Variants in KCNJ6 observed in about 807,000 individuals in gnomAD.
The protein encoded by KCNJ6 is G protein-activated inward rectifier potassium channel 2.
A neutral mutation model predicts 34.2 loss-of-function variants in KCNJ6; 9 were observed. The ratio of observed to expected loss-of-function variants is 0.26; its 90% CI spans 0.16 to 0.46. KCNJ6 has a LOEUF of 0.46. KCNJ6 is among the 20% of genes least tolerant of loss of function. KCNJ6 has a pLI of 1.00. For synonymous variants in KCNJ6, 196 were observed against 207.1 expected (o/e 0.95, Z 0.46); for missense variants, 236 against 531.3 (o/e 0.44, Z 5.46).
intron 1 of KCNJ6, among the ~76,000 whole-genome samples, chr21:37,845,869 T>G (rs1365253615): frequency 6.6e-6 from 1 of 152,162 alleles, no homozygotes; most frequent in East Asian, 1.9e-4. Context: ...CTGCAGAACC[T>G]AGGCACACTG....
rs375993657 is a variant in KCNJ6, at chr21:37,643,020, C to T, written c.947-17536G>A. On this transcript the variant is annotated intron_variant, in intron 3 of 3. Coordinates refer to ENST00000609713, the MANE Select transcript of KCNJ6 (RefSeq NM_002240.5). ...ATTCTAGTAAAAACAGACAGACCTCCAAGTTTTGAGTATGATAACTGAACA... is the reference window on the plus strand; with the variant it reads ...ATTCTAGTAAAAACAGACAGACCTCTAAGTTTTGAGTATGATAACTGAACA... 9.9e-5 allele frequency among the ~76,000 whole-genome samples: 15 copies of T among 152,214 alleles called. No homozygotes were observed. The East Asian group carries it at 2.3e-3, about 24-fold the overall frequency.
intron 3 of KCNJ6, among the ~76,000 whole-genome samples, chr21:37,705,177 G>C (rs1363214733): frequency 6.6e-6 from 1 of 152,106 alleles, no homozygotes; most frequent in African/African-American, 2.4e-5. Context: ...TAATGAACTC[G>C]AATCAATAAC....
Position 37,646,311 on chromosome 21 carries a change from C to T in KCNJ6, c.947-20827G>A, listed in dbSNP as rs551708169. ...CCCCACCACGCTACATCCCTTGGCT[C>T]ACAAATCACCACCATGTGCCCAAGT... On this transcript the variant is annotated intron_variant, in intron 3 of 3. Transcript: ENST00000609713. Among the ~76,000 whole-genome samples the T allele has an allele frequency of 1.4e-4, 22 of 152,302 alleles. No individual in the cohort carries two copies. In the South Asian group the frequency reaches 3.7e-3, roughly 26 times the overall value.
intron 1 of KCNJ6, among the ~76,000 whole-genome samples, chr21:37,895,272 C>A (rs1477353802): frequency 6.6e-6 from 1 of 152,178 alleles, no homozygotes; most frequent in East Asian, 1.9e-4. Context: ...AATGATCATG[C>A]CTTATCTTGC....
At chr21:37,900,397 C>T (rs564853047) in intron 1 of KCNJ6, among the ~76,000 whole-genome samples, 1 of 152,322 alleles carries the variant, frequency 6.6e-6, no homozygotes, top group African/African-American at 2.4e-5. Flanking sequence ...TATCGAGTAC[C>T]TACTATGTGC....
chr21:37,705,253 G>A (rs1297491716), intron 3 of KCNJ6, among the ~76,000 whole-genome samples: 1 of 152,202 alleles, frequency 6.6e-6, no homozygotes, highest in African/African-American at 2.4e-5. Context: ...GGGCACTGGA[G>A]CAGATAGACT....
rs2054300539 is a variant in KCNJ6 at position 37,624,152 on chromosome 21, TC to T, written c.*1006del. The T allele has an allele frequency of 6.6e-6, 1 of 152,236 alleles. No homozygotes were observed. The highest frequency in any genetic ancestry group is 2.4e-5 in the African/African-American group (1 of 41,450). 9.4% of individuals were successfully genotyped at this position (152,236 alleles called of 1,614,324 possible). ...CTAGAGAATATTTCCTTCCTGGTAT[TC>T]CCCCTCCTCCAGGCCAGTTAGTGAG... On this transcript the variant is annotated 3_prime_UTR_variant, in exon 4 of 4. Coordinates refer to ENST00000609713, the MANE Select transcript of KCNJ6 (RefSeq NM_002240.5).
intron 3 of KCNJ6, among the ~76,000 whole-genome samples, chr21:37,713,191 T>G (rs1231115929): frequency 6.6e-6 from 1 of 152,028 alleles, no homozygotes; most frequent in Non-Finnish European, 1.5e-5. Context: ...TTGTCACAGG[T>G]TGATGAAGAA....
At chr21:37,686,785 C>T (rs541816070) in intron 3 of KCNJ6, among the ~76,000 whole-genome samples, 156 of 152,032 alleles carry the variant, frequency 1.0e-3, no homozygotes, top group African/African-American at 3.4e-3. Flanking sequence ...AAGTCTTAAT[C>T]GGGACACGGG....
intron 2 of KCNJ6, among the ~76,000 whole-genome samples, chr21:37,731,100 A>AGT (rs113587330): frequency 0.18 from 24,226 of 134,624 alleles, 2,241 homozygotes; most frequent in South Asian, 0.27. Context: ...AGATGAGAGA[A>AGT]GTGTGTGTGT....
intron 1 of KCNJ6, among the ~76,000 whole-genome samples, chr21:37,859,461 A>AATT (rs1555850911): frequency 1.5e-5 from 2 of 130,080 alleles, no homozygotes; most frequent in Non-Finnish European, 3.2e-5. Flanking sequence ...CATTGTCCAC[A>AATT]ATTTTAACTA....
At chr21:37,867,358 G>T (rs1049073484) in intron 1 of KCNJ6, among the ~76,000 whole-genome samples, 14 of 152,166 alleles carry the variant, frequency 9.2e-5, no homozygotes, top group African/African-American at 2.4e-5. Flanking sequence ...AGGGGTCACT[G>T]GCCCCCAGAA....
intron 3 of KCNJ6, among the ~76,000 whole-genome samples, chr21:37,628,562 C>T (rs1403391989): frequency 2.0e-5 from 3 of 152,026 alleles, no homozygotes; most frequent in East Asian, 1.9e-4. Flanking sequence ...AGCATACCAA[C>T]GTACGCATAA....
intron 3 of KCNJ6, among the ~76,000 whole-genome samples, chr21:37,693,516 A>G (rs1209981943): frequency 1.3e-5 from 2 of 152,044 alleles, no homozygotes; most frequent in Non-Finnish European, 2.9e-5. Context: ...GGGCCACCGT[A>G]CGCCCCTTGG....
At chr21:37,846,014 T>G (rs1006680260) in intron 1 of KCNJ6, among the ~76,000 whole-genome samples, 6 of 152,174 alleles carry the variant, frequency 3.9e-5, no homozygotes, top group Non-Finnish European at 8.8e-5. Flanking sequence ...TAAAACATGT[T>G]CACAGATGCT....
chr21:37,684,042 A>T (rs2054602167), intron 3 of KCNJ6, among the ~76,000 whole-genome samples: 1 of 152,216 alleles, frequency 6.6e-6, no homozygotes, highest in Non-Finnish European at 1.5e-5. Flanking sequence ...AATAAACAAG[A>T]AATGATCAAA....
At chr21:37,883,767 C>T (rs1334747382) in intron 1 of KCNJ6, among the ~76,000 whole-genome samples, 1 of 152,188 alleles carries the variant, frequency 6.6e-6, no homozygotes, top group Non-Finnish European at 1.5e-5. Flanking sequence ...TGTTCAGATT[C>T]CTTTCAGATT....
chr21:37,815,745 A>C lies in KCNJ6; in HGVS notation c.25+24913T>G, dbSNP rs2055343705. Among the ~76,000 whole-genome samples, 3 of 152,212 alleles carry C rather than the reference A, an allele frequency of 2.0e-5. No individual in the cohort carries two copies. The South Asian group carries it at 6.2e-4, about 31-fold the overall frequency. On this transcript the variant is annotated intron_variant, in intron 2 of 3. Transcript: ENST00000609713. Reference sequence around the variant, plus strand: ...GATGAAGGCTCAGACTCGAAGGAGCAGGGATCTCACAGTTTTCTACAGCTG... The same window carrying C: ...GATGAAGGCTCAGACTCGAAGGAGCCGGGATCTCACAGTTTTCTACAGCTG...
At chr21:37,660,196 C>G (rs1012896448) in intron 3 of KCNJ6, among the ~76,000 whole-genome samples, 2 of 152,250 alleles carry the variant, frequency 1.3e-5, no homozygotes, top group Admixed American at 6.5e-5. Context: ...CCTGGGCACA[C>G]ACCTACACTC....
Sources: gnomAD v4.1 joint callset for allele counts (sites outside exome capture counted in the v4.1 genomes callset) on GRCh38, gnomAD v4.1.1 for gene constraint, MANE v1.5 for transcripts, NCBI Gene and HGNC (gene_info 2026-07-23, HGNC 2026-07-21) for gene names.